Variants in UXS1 observed in about 807,000 individuals in gnomAD.
UXS1 encodes UDP-glucuronic acid decarboxylase 1.
A neutral mutation model predicts 62.6 loss-of-function variants in UXS1; 33 were observed. The ratio of observed to expected loss-of-function variants is 0.53; its 90% CI spans 0.40 to 0.70. The LOEUF (loss-of-function observed/expected upper bound fraction) is 0.70, where lower values mean the gene tolerates loss of function less well. UXS1 is among the 30% of genes least tolerant of loss of function. UXS1 has a pLI of 0.00. For synonymous variants in UXS1, 213 were observed against 206.8 expected (o/e 1.03, Z -0.26); for missense variants, 434 against 556.3 (o/e 0.78, Z 2.21).
At chr2:106,094,213 G>A (rs577101765) in intron 14 of UXS1, 56 bp from the exon 15 acceptor site, 6 of 1,486,394 alleles carry the variant, frequency 4.0e-6, no homozygotes, top group East Asian at 4.9e-5. Context: ...GAAGGGCATC[G>A]CAGGAAGGAA....
chr2:106,138,898 C>G (rs1183304647), intron 6 of UXS1: 2 of 983,916 alleles, frequency 2.0e-6, no homozygotes, highest in Non-Finnish European at 2.4e-6. Context: ...GGCACTGCAG[C>G]AGAGTCTGTT....
chr2:106,179,652 A>G (rs2105101846), intron 1 of UXS1: 1 of 152,360 alleles, frequency 6.6e-6, no homozygotes, highest in East Asian at 1.9e-4. Flanking sequence ...CTCTTATTCA[A>G]GAAGGCTGTA....
intron 7 of UXS1, among the ~76,000 whole-genome samples, chr2:106,127,315 C>A (rs1397937112): frequency 6.6e-6 from 1 of 152,194 alleles, no homozygotes; most frequent in African/African-American, 2.4e-5. Context: ...AAGAAAGCGT[C>A]AAACTGTTTT....
chr2:106,129,887 A>G (rs1680290451), intron 6 of UXS1, 109 bp from the exon 7 acceptor site: 1 of 614,024 alleles, frequency 1.6e-6, no homozygotes, highest in African/African-American at 1.9e-5. Context: ...TTTCACTGAA[A>G]TCAAGTTATT....
At chr2:106,146,845 G>C (rs1267682722) in intron 5 of UXS1, among the ~76,000 whole-genome samples, 1 of 151,122 alleles carries the variant, frequency 6.6e-6, no homozygotes, top group Non-Finnish European at 1.5e-5. Context: ...AGAAGTAAGG[G>C]GAGGCTATAA....
At chr2:106,177,534 T>C (rs1558754067) in intron 1 of UXS1, among the ~76,000 whole-genome samples, 1 of 152,232 alleles carries the variant, frequency 6.6e-6, no homozygotes. Context: ...TGTATTTGTT[T>C]ATTTTAGAAG....
intron 6 of UXS1, among the ~76,000 whole-genome samples, chr2:106,131,237 C>T (rs1368239760): frequency 6.7e-6 from 1 of 149,218 alleles, no homozygotes; most frequent in African/African-American, 2.5e-5. Flanking sequence ...ATATCCCACA[C>T]CTGGCTGAGA....
At chr2:106,129,457 A>C (rs1368501167) in intron 7 of UXS1, among the ~76,000 whole-genome samples, 2 of 152,220 alleles carry the variant, frequency 1.3e-5, no homozygotes, top group Non-Finnish European at 2.9e-5. Flanking sequence ...AATGCATGAA[A>C]AGTTAAGTTA....
intron 1 of UXS1, among the ~76,000 whole-genome samples, chr2:106,187,766 A>C (rs934703111): frequency 7.8e-6 from 1 of 128,088 alleles, no homozygotes; most frequent in Non-Finnish European, 1.6e-5. Context: ...TTTGAGATGG[A>C]GTTTCGCTTT....
intron 8 of UXS1, 27 bp downstream of exon 8, chr2:106,125,593 C>G: frequency 6.5e-7 from 1 of 1,545,720 alleles, no homozygotes; most frequent in East Asian, 2.4e-5. Context: ...CTGGAGTGAA[C>G]ATCTCCTGAG....
At chr2:106,118,584 C>T (rs1047686417) in intron 9 of UXS1, among the ~76,000 whole-genome samples, 1 of 152,134 alleles carries the variant, frequency 6.6e-6, no homozygotes, top group Non-Finnish European at 1.5e-5. Context: ...TCTAACTATT[C>T]GGGAAAGGCT....
At chr2:106,118,746 A>C (rs1679270517) in intron 9 of UXS1, among the ~76,000 whole-genome samples, 1 of 152,220 alleles carries the variant, frequency 6.6e-6, no homozygotes, top group Non-Finnish European at 1.5e-5. Flanking sequence ...AAAGAAACTC[A>C]GAAGAGAATC....
At chr2:106,151,283 G>C (rs887300654) in intron 5 of UXS1, among the ~76,000 whole-genome samples, 5 of 152,194 alleles carry the variant, frequency 3.3e-5, no homozygotes, top group African/African-American at 1.2e-4. Context: ...AAATTCTAGA[G>C]ACGGCAGCCA....
At chr2:106,151,363 T>G (rs559063222) in intron 5 of UXS1, among the ~76,000 whole-genome samples, 1 of 152,164 alleles carries the variant, frequency 6.6e-6, no homozygotes, top group Non-Finnish European at 1.5e-5. Context: ...TGCAACAGTA[T>G]TGGGAGGTGA....
chr2:106,111,971 G>T (rs935996730), intron 10 of UXS1, among the ~76,000 whole-genome samples: 1 of 152,214 alleles, frequency 6.6e-6, no homozygotes, highest in African/African-American at 2.4e-5. Context: ...CAAAACCAAA[G>T]ATGCCGGCAG....
rs60313963 is a variant in UXS1 at position 106,128,401 on chromosome 2, T to C, written c.577+1273A>G. ...GGCCACAGGATGCCCAGGTATCTGG[T>C]TGAACATTATGTCCGGGGGTATCTG... On this transcript the variant is annotated intron_variant, in intron 7 of 14. Transcript: ENST00000283148. Among the ~76,000 whole-genome samples, 1,435 of 152,308 alleles carry C rather than the reference T, an allele frequency of 9.4e-3. 22 individuals are homozygous for C. Among genetic ancestry groups the C allele is most frequent in the African/African-American group, 0.033 (1,358 of 41,570 alleles).
At chr2:106,157,625 C>T (rs1682543318) in intron 5 of UXS1, among the ~76,000 whole-genome samples, 1 of 152,146 alleles carries the variant, frequency 6.6e-6, no homozygotes, top group Non-Finnish European at 1.5e-5. Context: ...CTCCAAATAC[C>T]CATCAATTGA....
intron 1 of UXS1, among the ~76,000 whole-genome samples, chr2:106,191,580 C>CTGCCTGCT (rs1357911097): frequency 6.6e-6 from 1 of 152,264 alleles, no homozygotes; most frequent in African/African-American, 2.4e-5. Flanking sequence ...CCAGGCCTGC[C>CTGCCTGCT]TGCCTGCTTG....
chr2:106,173,496 G>A (rs1188483264), intron 1 of UXS1, among the ~76,000 whole-genome samples: 1 of 152,172 alleles, frequency 6.6e-6, no homozygotes, highest in Non-Finnish European at 1.5e-5. Context: ...TGAGGCTGCA[G>A]TGAGCCATAA....
Sources: allele counts gnomAD v4.1 joint callset (sites outside exome capture counted in the v4.1 genomes callset), GRCh38; gene constraint gnomAD v4.1.1; transcripts MANE v1.5; gene names NCBI Gene and HGNC (gene_info 2026-07-23, HGNC 2026-07-21).